CCDC63: variants seen among roughly 807,000 people sequenced by gnomAD.
CCDC63 encodes the protein coiled-coil domain-containing protein 63.
Under a neutral mutation model 63.6 loss-of-function variants are expected in CCDC63, and 54 were observed. That is an observed-to-expected ratio of 0.85 (90% CI 0.68 to 1.07). CCDC63 has a LOEUF of 1.07. Among genes scored for constraint, CCDC63 ranks in the 50% least tolerant of loss-of-function variants. The probability of loss-of-function intolerance (pLI) is 0.00; values close to 1 mark genes in which losing one functional copy is unlikely to be tolerated. For missense variants in CCDC63, 637 were observed against 689.6 expected (o/e 0.92, Z 0.86); for synonymous variants, 253 against 266.1 (o/e 0.95, Z 0.48).
At chr12:110,902,980 T>C (rs1450259678) in intron 10 of CCDC63, among the ~76,000 whole-genome samples, 1 of 151,964 alleles carries the variant, frequency 6.6e-6, no homozygotes, top group Admixed American at 6.6e-5. Flanking sequence ...CCTCCCAGGT[T>C]CAAATTATTC....
chr12:110,856,535 G>A (rs2070773083), intron 3 of CCDC63, among the ~76,000 whole-genome samples: 1 of 151,930 alleles, frequency 6.6e-6, no homozygotes, highest in African/African-American at 2.4e-5. Context: ...GGAGGTCACT[G>A]GCCAAATGTG....
chr12:110,856,087 CTT>C (rs540538418), intron 3 of CCDC63, among the ~76,000 whole-genome samples: 12 of 130,368 alleles, frequency 9.2e-5, no homozygotes, highest in Non-Finnish European at 1.2e-4. Context: ...TTTTTTTTTT[CTT>C]TTTTTTTTTT....
In CCDC63 at chr12:110,853,475, C is replaced by T. The variant is rs145388107; in HGVS notation, c.80C>T (p.Ala27Val). Reference sequence around the variant, plus strand: ...TCGGAGAAGGCCAAAGAGCAGCAGGCGGAGGCAGAGCTCCGGAAGCTAAGG... The same window carrying T: ...TCGGAGAAGGCCAAAGAGCAGCAGGTGGAGGCAGAGCTCCGGAAGCTAAGG... ...EPSEKAKEQQ[A>V]EAELRKLRQQ... is the part of the protein sequence containing the mutation. Residue 27 changes from alanine to valine, a missense_variant, in exon 3 of 12, where the codon GCG becomes GTG. By Grantham distance (64) the Ala-to-Val change is moderately conservative. Transcript: ENST00000308208. The T allele has an allele frequency of 3.8e-4, 614 of 1,614,098 alleles. 3 individuals carry two copies. The African/African-American group carries it at 7.3e-3, about 19-fold the overall frequency.
intron 11 of CCDC63, among the ~76,000 whole-genome samples, chr12:110,906,825 A>AGTC (rs2071593887): frequency 6.6e-6 from 1 of 152,184 alleles, no homozygotes; most frequent in Non-Finnish European, 1.5e-5. Flanking sequence ...CTGCTGGTTA[A>AGTC]GTCGTCCTCA....
At chr12:110,861,273 A>G (rs2070849895) in intron 4 of CCDC63, among the ~76,000 whole-genome samples, 1 of 152,188 alleles carries the variant, frequency 6.6e-6, no homozygotes, top group Non-Finnish European at 1.5e-5. Flanking sequence ...CTACTGAATG[A>G]ATCTGGAAAT....
upstream of CCDC63, among the ~76,000 whole-genome samples, chr12:110,846,153 A>G (rs1161667695): frequency 2.6e-5 from 4 of 152,092 alleles, no homozygotes; most frequent in Admixed American, 2.6e-4. Flanking sequence ...GAATTTACGG[A>G]TGAAGTGGAG....
chr12:110,864,149 A>G (rs2136662777), intron 4 of CCDC63, among the ~76,000 whole-genome samples: 1 of 152,388 alleles, frequency 6.6e-6, no homozygotes, highest in East Asian at 1.9e-4. Flanking sequence ...TGAGTAGACC[A>G]GGGGTAGCAA....
chr12:110,844,987 G>A (rs1295764068), upstream of CCDC63, among the ~76,000 whole-genome samples: 1 of 152,020 alleles, frequency 6.6e-6, no homozygotes, highest in Non-Finnish European at 1.5e-5. Context: ...CTCTGCTGTC[G>A]CCAACATTTC....
chr12:110,900,616 T>TC (rs1566140828), intron 10 of CCDC63, among the ~76,000 whole-genome samples: 1 of 151,546 alleles, frequency 6.6e-6, no homozygotes, highest in Non-Finnish European at 1.5e-5. Context: ...TTTTTTTTTT[T>TC]CGAGATGGAG....
intron 8 of CCDC63, among the ~76,000 whole-genome samples, chr12:110,891,315 CAAA>C (rs1174903812): frequency 3.5e-5 from 2 of 57,176 alleles, no homozygotes; most frequent in African/African-American, 2.2e-4. Flanking sequence ...TGTCTCAAAA[CAAA>C]CAAACAAACA....
At chr12:110,867,679 C>T (rs1344114535) in intron 4 of CCDC63, among the ~76,000 whole-genome samples, 112 of 100,060 alleles carry the variant, frequency 1.1e-3, no homozygotes, top group African/African-American at 2.5e-3. Flanking sequence ...ACCTCCCAGA[C>T]GGGGCGGCTG....
intron 4 of CCDC63, among the ~76,000 whole-genome samples, chr12:110,865,464 C>CAAAAAAAAAAAAAAAAAAAAAAAAA (rs10585238): frequency 3.9e-5 from 4 of 102,366 alleles, no homozygotes; most frequent in East Asian, 3.2e-4. Context: ...CAGCATATAC[C>CAAAAAAAAAAAAAAAAAAAAAAAAA]AAAAAAAAAA....
intron 8 of CCDC63, among the ~76,000 whole-genome samples, chr12:110,890,845 C>T (rs1159409728): frequency 1.5e-5 from 2 of 137,392 alleles, no homozygotes; most frequent in South Asian, 4.5e-4. Context: ...GGCGGGATCT[C>T]GGCTCATTGC....
At chr12:110,853,378 C>T in intron 2 of CCDC63, 27 bp from the exon 3 acceptor site, 1 of 1,596,138 alleles carries the variant, frequency 6.3e-7, no homozygotes, top group Non-Finnish European at 8.5e-7. Context: ...CCCACTACGG[C>T]CTCCCACTCC....
chr12:110,864,939 G>A (rs2070922475), intron 4 of CCDC63, among the ~76,000 whole-genome samples: 1 of 152,192 alleles, frequency 6.6e-6, no homozygotes. Flanking sequence ...GCTGGGGCAA[G>A]ATGGGAGCAG....
intron 10 of CCDC63, among the ~76,000 whole-genome samples, chr12:110,901,472 G>C (rs768543275): frequency 6.6e-6 from 1 of 151,392 alleles, no homozygotes; most frequent in South Asian, 2.1e-4. Flanking sequence ...AAGTCATCCC[G>C]CTGCCTTGGC....
intron 1 of CCDC63, among the ~76,000 whole-genome samples, chr12:110,849,498 CTTTTTTTT>C (rs56059098): frequency 2.4e-5 from 3 of 126,298 alleles, no homozygotes; most frequent in Non-Finnish European, 3.2e-5. Flanking sequence ...CTCTTATTTC[CTTTTTTTT>C]TTTTTTTTTT....
At chr12:110,861,689 A>T (rs538798818) in intron 4 of CCDC63, among the ~76,000 whole-genome samples, 5 of 150,098 alleles carry the variant, frequency 3.3e-5, no homozygotes, top group African/African-American at 1.2e-4. Context: ...CTCCTGCCTC[A>T]GCCTCCAGGG....
intron 5 of CCDC63, among the ~76,000 whole-genome samples, chr12:110,876,054 C>T (rs1196129017): frequency 3.4e-5 from 5 of 148,034 alleles, no homozygotes; most frequent in East Asian, 2.0e-4. Context: ...TGCAGTGAGC[C>T]GAGATTGTGC....
Sources: gnomAD v4.1 joint callset for allele counts (sites outside exome capture counted in the v4.1 genomes callset) on GRCh38, gnomAD v4.1.1 for gene constraint, MANE v1.5 for transcripts, NCBI Gene and HGNC (gene_info 2026-07-23, HGNC 2026-07-21) for gene names.